PRKCZ: variants seen among roughly 807,000 people sequenced by gnomAD.
PRKCZ encodes the protein protein kinase C zeta.
In PRKCZ, 33 loss-of-function variants were observed where a neutral mutation model predicts 79.5. The ratio of observed to expected loss-of-function variants is 0.41; its 90% CI spans 0.31 to 0.55. The LOEUF (loss-of-function observed/expected upper bound fraction) is 0.55, where lower values mean the gene tolerates loss of function less well. Among genes scored for constraint, PRKCZ ranks in the 20% least tolerant of loss-of-function variants. The pLI is 0.19. For synonymous variants in PRKCZ, 342 were observed against 320.9 expected (o/e 1.07, Z -0.70); for missense variants, 578 against 813.5 (o/e 0.71, Z 3.52).
chr1:2,051,370 G>A (rs1002917873), intron 1 of PRKCZ, among the ~76,000 whole-genome samples: 4 of 152,192 alleles, frequency 2.6e-5, no homozygotes, highest in African/African-American at 7.2e-5. Flanking sequence ...GGGGTGGCGG[G>A]GGCTGCACCA....
chr1:2,074,542 C>G, intron 4 of PRKCZ: 2 of 579,358 alleles, frequency 3.5e-6, no homozygotes, highest in Non-Finnish European at 6.1e-6. Context: ...CCCCAGGTGC[C>G]AGGGCTGGTA....
intron 4 of PRKCZ, among the ~76,000 whole-genome samples, chr1:2,083,652 G>A (rs1033722748): frequency 5.3e-5 from 8 of 152,194 alleles, no homozygotes; most frequent in Non-Finnish European, 1.2e-4. Flanking sequence ...AGATTGTGAG[G>A]AAATCCAGTG....
At chr1:2,126,067 G>C (rs546207612) in intron 4 of PRKCZ, among the ~76,000 whole-genome samples, 3 of 152,104 alleles carry the variant, frequency 2.0e-5, no homozygotes, top group Non-Finnish European at 2.9e-5. Flanking sequence ...CTGGGGCAGC[G>C]TCACCTGGGG....
chr1:2,174,745 C>T lies in PRKCZ; in HGVS notation c.1406-9C>T. 6.2e-7 allele frequency: 1 copy of T among 1,613,500 alleles called. No homozygotes were observed. Among genetic ancestry groups the T allele is most frequent in the South Asian group, 1.1e-5 (1 of 91,072 alleles). ...ACAGGCAAGTCCTCACCAGGCTCCG[C>T]CCTTGCAGTGATCCTGGAGAAGCCC... On this transcript the variant is annotated splice_polypyrimidine_tract_variant and intron_variant, in intron 14 of 17. Coordinates refer to ENST00000378567, the MANE Select transcript of PRKCZ (RefSeq NM_002744.6). The surrounding 1 kb of genome is among the most constrained non-coding windows in gnomAD (Gnocchi z 6.2).
In PRKCZ at chr1:2,055,577, A is replaced by G; in HGVS notation, c.193+15A>G. The G allele has an allele frequency of 1.2e-6, 2 of 1,609,176 alleles. No homozygotes were observed. Among genetic ancestry groups the G allele is most frequent in the Non-Finnish European group, 1.7e-6 (2 of 1,177,464 alleles). On this transcript the variant is annotated intron_variant, in intron 2 of 17. Coordinates refer to ENST00000378567, the MANE Select transcript of PRKCZ (RefSeq NM_002744.6). ...GGACAGCGAAGGTAGCCCTTGTCCC[A>G]TGTTGGCCAGAATCCTCAGCCTCAG... is the stretch of plus-strand genomic sequence containing the variant.
chr1:2,103,238 A>T (rs1219587541), intron 4 of PRKCZ, among the ~76,000 whole-genome samples: 1 of 152,166 alleles, frequency 6.6e-6, no homozygotes, highest in African/African-American at 2.4e-5. Context: ...ACAGCAGCTG[A>T]TGTTCTCACC....
intron 4 of PRKCZ, among the ~76,000 whole-genome samples, chr1:2,069,140 A>G (rs1052924360): frequency 4.6e-5 from 7 of 151,754 alleles, no homozygotes; most frequent in East Asian, 1.9e-4. Context: ...ACCCCAACCA[A>G]TGCGACCCCC....
chr1:2,099,215 G>T (rs963524981), intron 4 of PRKCZ, among the ~76,000 whole-genome samples: 1 of 152,164 alleles, frequency 6.6e-6, no homozygotes, highest in Non-Finnish European at 1.5e-5. Flanking sequence ...CTCACAAGTC[G>T]CTGGGATATG....
intron 1 of PRKCZ, chr1:2,051,022 G>T (rs1051809693): frequency 1.4e-5 from 4 of 276,148 alleles, no homozygotes; most frequent in Non-Finnish European, 1.4e-5. Flanking sequence ...TGTAAGGACT[G>T]AAAGTTTTCA....
At chr1:2,061,484 C>T (rs1346835904) in intron 4 of PRKCZ, among the ~76,000 whole-genome samples, 1 of 152,112 alleles carries the variant, frequency 6.6e-6, no homozygotes, top group Non-Finnish European at 1.5e-5. Flanking sequence ...GCCGAGTCAC[C>T]GTGGGGAATG....
chr1:2,072,174 G>A (rs1406683799), intron 4 of PRKCZ, among the ~76,000 whole-genome samples: 1 of 152,232 alleles, frequency 6.6e-6, no homozygotes, highest in Non-Finnish European at 1.5e-5. Flanking sequence ...GCCGCCTGAC[G>A]AGGGAAGCTT....
At chr1:2,086,365 C>G (rs975229024) in intron 4 of PRKCZ, among the ~76,000 whole-genome samples, 4 of 152,138 alleles carry the variant, frequency 2.6e-5, no homozygotes, top group Non-Finnish European at 5.9e-5. Flanking sequence ...CTCAGCCTCC[C>G]TAAGTGCTGG....
chr1:2,086,082 G>A, intron 4 of PRKCZ, among the ~76,000 whole-genome samples: 1 of 142,906 alleles, frequency 7.0e-6, no homozygotes, highest in Non-Finnish European at 1.5e-5. Context: ...TTTAAATTGA[G>A]ACGGAGTCTT....
At position 2,173,032 on chromosome 1, in the gene PRKCZ, G is replaced by T. The variant is rs973978108; in HGVS notation, c.1285+644G>T. 6.6e-6 allele frequency among the ~76,000 whole-genome samples: 1 copy of T among 152,236 alleles called. No individual in the cohort carries two copies. The highest frequency in any genetic ancestry group is 2.4e-5 in the African/African-American group (1 of 41,464). The stretch of plus-strand genomic sequence containing the variant: ...CTGTGTGCGTGTGTGCCGTTGGGCT[G>T]AGTGTTCGTGTGTCGGGCATCCATG... On this transcript the variant is annotated intron_variant, in intron 13 of 17. Transcript: ENST00000378567. The surrounding 1 kb of genome is among the most constrained non-coding windows in gnomAD (Gnocchi z 5.7).
intron 4 of PRKCZ, among the ~76,000 whole-genome samples, chr1:2,068,256 C>A (rs1661285365): frequency 6.6e-6 from 1 of 152,066 alleles, no homozygotes; most frequent in Non-Finnish European, 1.5e-5. Context: ...TGTGGGAGGG[C>A]CACTCTCAGA....
chr1:2,078,115 C>T (rs1328163505), intron 4 of PRKCZ, among the ~76,000 whole-genome samples: 2 of 152,296 alleles, frequency 1.3e-5, no homozygotes, highest in South Asian at 2.1e-4. Flanking sequence ...CCTGGCCCCC[C>T]ACACAACATG....
chr1:2,152,009 C>G (rs752558218), intron 9 of PRKCZ, among the ~76,000 whole-genome samples: 2 of 152,096 alleles, frequency 1.3e-5, no homozygotes, highest in Non-Finnish European at 2.9e-5. Flanking sequence ...CACCACCATG[C>G]CCAGCTATTT....
chr1:2,154,681 G>A (rs1052389048), intron 9 of PRKCZ, among the ~76,000 whole-genome samples: 9 of 152,196 alleles, frequency 5.9e-5, no homozygotes, highest in Non-Finnish European at 1.0e-4. Context: ...CTATTTTGAC[G>A]CATTTCTTTC....
chr1:2,172,447 C>G lies in PRKCZ; in HGVS notation c.1285+59C>G. 1 of 1,535,578 alleles carries G rather than the reference C, an allele frequency of 6.5e-7. No homozygotes were observed. The highest frequency in any genetic ancestry group is 8.8e-7 in the Non-Finnish European group (1 of 1,133,404). ...CACAGGGCCAGAGATGGCTTCGGGC[C>G]TGGCCCAGCAGCCAGGGAGAGGTGT... On this transcript the variant is annotated intron_variant, in intron 13 of 17. Transcript: ENST00000378567. This position sits in a 1 kb window ranked among gnomAD's most constrained non-coding sequence, Gnocchi z 7.8.
Sources: gnomAD v4.1 joint callset for allele counts (sites outside exome capture counted in the v4.1 genomes callset) on GRCh38, gnomAD v4.1.1 for gene constraint, Gnocchi (gnomAD v3.1) non-coding constraint, MANE v1.5 for transcripts, NCBI Gene and HGNC (gene_info 2026-07-23, HGNC 2026-07-21) for gene names.